Variants in SCN11A observed in about 807,000 individuals in gnomAD.
The protein encoded by SCN11A is sodium channel protein type 11 subunit alpha.
SCN11A carries 122 observed loss-of-function variants against 162.2 expected under a neutral mutation model. That is an observed-to-expected ratio of 0.75 (90% CI 0.65 to 0.87). The LOEUF (loss-of-function observed/expected upper bound fraction) is 0.87. Among genes scored for constraint, SCN11A ranks in the 40% least tolerant of loss-of-function variants. SCN11A has a pLI of 0.00. For missense variants in SCN11A, 2,015 were observed against 2,181.6 expected, an observed-to-expected ratio of 0.92 and a Z score of 1.52; for synonymous variants, 758 against 751.5, an observed-to-expected ratio of 1.01 and a Z score of -0.14.
At chr3:39,001,870 T>TA (rs1215569148) in intron 2 of SCN11A, among the ~76,000 whole-genome samples, 7 of 151,508 alleles carry the variant, frequency 4.6e-5, no homozygotes, top group Admixed American at 1.3e-4. Context: ...CCGTCTCTAC[T>TA]AAAAAAAATA....
chr3:39,042,974 A>AAAAAAAAAAAAAAAAAAAAAAG (rs56332636), intron 1 of SCN11A, among the ~76,000 whole-genome samples: 1 of 103,662 alleles, frequency 9.6e-6, no homozygotes, highest in Non-Finnish European at 1.8e-5. Flanking sequence ...AAAAAAAAAA[A>AAAAAAAAAAAAAAAAAAAAAAG]AAAAAGAAAA....
chr3:38,907,730 T>C (rs1281278662), intron 14 of SCN11A, among the ~76,000 whole-genome samples: 2 of 152,156 alleles, frequency 1.3e-5, no homozygotes, highest in Non-Finnish European at 2.9e-5. Context: ...CTAGCACCTA[T>C]CCCAGTGCCA....
intron 2 of SCN11A, among the ~76,000 whole-genome samples, chr3:38,975,201 C>G (rs181884173): frequency 6.6e-6 from 1 of 151,622 alleles, no homozygotes; most frequent in African/African-American, 2.4e-5. Flanking sequence ...TTAAAAGATC[C>G]TCACTGAAGA....
chr3:38,850,156 T>A (rs2064751195), intron 29 of SCN11A: 1 of 225,520 alleles, frequency 4.4e-6, no homozygotes, highest in African/African-American at 2.3e-5. Flanking sequence ...GGTAGAACTT[T>A]GACTCAATTA....
Position 38,859,901 on chromosome 3 carries a change from C to T in SCN11A, c.4056+3294G>A, listed in dbSNP as rs149655069. Among the ~76,000 whole-genome samples, 480 of 152,254 alleles carry T rather than the reference C, an allele frequency of 3.2e-3. 4 individuals are homozygous for T. Among genetic ancestry groups the T allele is most frequent in the African/African-American group, 0.011 (442 of 41,574 alleles). Reference sequence around the variant, plus strand: ...AAATTAAGGTTTAGGGGTCATGCAGCCCCTGGGCTCCAAGAGTCTGAACCT... The same window carrying T: ...AAATTAAGGTTTAGGGGTCATGCAGTCCCTGGGCTCCAAGAGTCTGAACCT... On this transcript the variant is annotated intron_variant, in intron 28 of 29. Coordinates refer to ENST00000302328, the MANE Select transcript of SCN11A (RefSeq NM_001349253.2).
intron 2 of SCN11A, among the ~76,000 whole-genome samples, chr3:38,962,098 TC>T (rs1451253635): frequency 2.0e-5 from 3 of 152,346 alleles, no homozygotes; most frequent in East Asian, 3.9e-4. Flanking sequence ...TTGCCAATTA[TC>T]CCAGCACCAT....
intron 18 of SCN11A, among the ~76,000 whole-genome samples, chr3:38,895,225 T>G (rs533000736): frequency 6.6e-6 from 1 of 152,186 alleles, no homozygotes; most frequent in African/African-American, 2.4e-5. Context: ...TATGGATGAG[T>G]AGACCCTTAC....
At chr3:38,898,315 T>C (rs764259128) in intron 17 of SCN11A, among the ~76,000 whole-genome samples, 4 of 152,246 alleles carry the variant, frequency 2.6e-5, no homozygotes, top group Non-Finnish European at 4.4e-5. Flanking sequence ...TCAGCATCCA[T>C]AAATAAAGTT....
At chr3:38,908,447 C>A (rs576445254) in intron 13 of SCN11A, among the ~76,000 whole-genome samples, 1 of 152,244 alleles carries the variant, frequency 6.6e-6, no homozygotes, top group Non-Finnish European at 1.5e-5. Flanking sequence ...TTACGATGGG[C>A]ATCCTTCTGA....
At chr3:38,989,197 T>C (rs188931316) in intron 2 of SCN11A, among the ~76,000 whole-genome samples, 1 of 152,214 alleles carries the variant, frequency 6.6e-6, no homozygotes, top group Non-Finnish European at 1.5e-5. Flanking sequence ...ACAGCCCTAG[T>C]TGAGCATCCA....
intron 2 of SCN11A, among the ~76,000 whole-genome samples, chr3:38,994,075 T>C (rs2030535862): frequency 6.6e-6 from 1 of 152,204 alleles, no homozygotes. Context: ...TGTCCTCAAC[T>C]GGTCTTCCTG....
chr3:38,942,934 A>C (rs143727223), intron 7 of SCN11A, among the ~76,000 whole-genome samples: 2 of 152,324 alleles, frequency 1.3e-5, no homozygotes, highest in Non-Finnish European at 2.9e-5. Context: ...AGTTACATAT[A>C]TACTTATCGC....
intron 25 of SCN11A, among the ~76,000 whole-genome samples, 186 bp from the exon 26 acceptor site, chr3:38,870,930 TTTC>T (rs923100789): frequency 3.3e-5 from 5 of 152,220 alleles, no homozygotes; most frequent in Admixed American, 1.3e-4. Context: ...CTTGGATTTT[TTTC>T]TTCTTCTTCA....
At chr3:39,015,897 C>T (rs942515078) in intron 2 of SCN11A, among the ~76,000 whole-genome samples, 2 of 152,026 alleles carry the variant, frequency 1.3e-5, no homozygotes, top group Non-Finnish European at 2.9e-5. Context: ...CCACCATGCC[C>T]GGCTAATTTT....
intron 2 of SCN11A, among the ~76,000 whole-genome samples, chr3:39,009,625 A>T (rs1432948563): frequency 1.4e-5 from 2 of 144,966 alleles, no homozygotes; most frequent in African/African-American, 2.6e-5. Context: ...AACTAAGCAT[A>T]GCATACTAGA....
intron 1 of SCN11A, among the ~76,000 whole-genome samples, chr3:39,039,362 T>C (rs1020190526): frequency 1.3e-5 from 2 of 152,294 alleles, no homozygotes; most frequent in African/African-American, 2.4e-5. Flanking sequence ...TTAAAATACA[T>C]CCACAAACAC....
chr3:39,006,636 T>G (rs192231615), intron 2 of SCN11A, among the ~76,000 whole-genome samples: 51 of 151,444 alleles, frequency 3.4e-4, no homozygotes, highest in Non-Finnish European at 6.8e-4. Context: ...TTAGAGAAAA[T>G]GTTGCAGCCA....
In SCN11A at chr3:38,987,587, A is replaced by C. The variant is rs945327399; in HGVS notation, c.-279-27164T>G. Among the ~76,000 whole-genome samples the C allele has an allele frequency of 2.6e-5, 4 of 151,072 alleles. No individual in the cohort carries two copies. The East Asian group carries it at 7.7e-4, about 29-fold the overall frequency. On this transcript the variant is annotated intron_variant, in intron 2 of 29. Transcript: ENST00000302328. Reference sequence around the variant, plus strand: ...TAAGAGCAGGCATCACACAAAGGAGACACCATTTGCCCATGTGACCTGAAG... The same window carrying C: ...TAAGAGCAGGCATCACACAAAGGAGCCACCATTTGCCCATGTGACCTGAAG...
chr3:38,905,436 G>T, intron 14 of SCN11A, 115 bp from the exon 15 acceptor site: 2 of 1,193,944 alleles, frequency 1.7e-6, no homozygotes, highest in East Asian at 2.5e-5. Context: ...ATTTTCTATA[G>T]GTCTACTCAC....
Sources: allele counts gnomAD v4.1 joint callset (sites outside exome capture counted in the v4.1 genomes callset), GRCh38; gene constraint gnomAD v4.1.1; transcripts MANE v1.5; gene names NCBI Gene and HGNC (gene_info 2026-07-23, HGNC 2026-07-21).